ITPR2: variants seen among roughly 807,000 people sequenced by gnomAD.
ITPR2 encodes inositol 1,4,5-trisphosphate-gated calcium channel ITPR2.
ITPR2 carries 207 observed loss-of-function variants against 317.1 expected under a neutral mutation model. That is an observed-to-expected ratio of 0.65 (90% CI 0.58 to 0.73). The LOEUF is 0.73. Among genes scored for constraint, ITPR2 ranks in the 30% least tolerant of loss-of-function variants. ITPR2 has a pLI of 0.00. For missense variants in ITPR2, 2,613 were observed against 3,284.0 expected (o/e 0.80, Z 4.99); for synonymous variants, 1,156 against 1,149.1 (o/e 1.01, Z -0.12).
chr12:26,659,433 A>C, intron 15 of ITPR2, 148 bp from the exon 16 acceptor site: 1 of 665,070 alleles, frequency 1.5e-6, no homozygotes, highest in Non-Finnish European at 2.5e-6. Context: ...TTTTTCAATA[A>C]ATAGAGCTTT....
At chr12:26,523,227 TA>T (rs566286936) in intron 37 of ITPR2, among the ~76,000 whole-genome samples, 12 of 152,160 alleles carry the variant, frequency 7.9e-5, no homozygotes, top group Non-Finnish European at 1.0e-4. Context: ...TCTCTTTTCG[TA>T]AAAAGATAAC....
chr12:26,394,399 G>C (rs1243271479), intron 54 of ITPR2, among the ~76,000 whole-genome samples: 1 of 152,210 alleles, frequency 6.6e-6, no homozygotes, highest in African/African-American at 2.4e-5. Flanking sequence ...GATCGGAGAA[G>C]ACTTCTAGAA....
At chr12:26,724,551 A>T in intron 4 of ITPR2, 105 bp downstream of exon 4, 1 of 706,786 alleles carries the variant, frequency 1.4e-6, no homozygotes, top group Non-Finnish European at 2.6e-6. Flanking sequence ...CCCATCAAAG[A>T]ACAAACTTCC....
intron 2 of ITPR2, among the ~76,000 whole-genome samples, chr12:26,759,558 T>C (rs865895468): frequency 6.6e-6 from 1 of 152,202 alleles, no homozygotes; most frequent in Non-Finnish European, 1.5e-5. Context: ...TCTAGCCAAA[T>C]TAAATACAGA....
intron 34 of ITPR2, among the ~76,000 whole-genome samples, chr12:26,578,175 T>C (rs541213071): frequency 6.7e-5 from 9 of 133,866 alleles, no homozygotes; most frequent in African/African-American, 2.5e-4. Flanking sequence ...TTATTAACTT[T>C]CTCTCTCTCT....
In ITPR2 at chr12:26,595,438, C is replaced by A. The variant is rs180761993; in HGVS notation, c.4380+27G>T. ...TATTTAGTCGAAATATCTATTGACA[C>A]CCTTCAGTAGTCAAAATCTAACTTA... On this transcript the variant is annotated intron_variant, in intron 32 of 56. Transcript: ENST00000381340. 19 of 1,593,298 alleles carry A rather than the reference C, an allele frequency of 1.2e-5. 1 individual carries two copies. In the East Asian group the frequency reaches 3.6e-4, roughly 30 times the overall value.
In ITPR2 at chr12:26,340,348, T is replaced by A. The variant is rs1165011581; in HGVS notation, c.7858-20A>T. 1 of 1,579,826 alleles carries A rather than the reference T, an allele frequency of 6.3e-7. No homozygotes were observed. The highest frequency in any genetic ancestry group is 2.3e-5 in the East Asian group (1 of 43,770). On this transcript the variant is annotated intron_variant, in intron 55 of 56. Coordinates refer to ENST00000381340, the MANE Select transcript of ITPR2 (RefSeq NM_002223.4). ...CTTCTCCTGAAAGCAAATAAATGTG[T>A]GCGAACAAGGGAATAAGTATGGAAG...
In ITPR2 at chr12:26,427,898, A is replaced by C; in HGVS notation, c.6945+15T>G. 1 of 1,518,332 alleles carries C rather than the reference A, an allele frequency of 6.6e-7. No individual in the cohort carries two copies. Among genetic ancestry groups the C allele is most frequent in the African/African-American group, 1.4e-5 (1 of 71,314 alleles). 94.1% of individuals were successfully genotyped at this position (1,518,332 alleles called of 1,614,324 possible). A position where few individuals can be genotyped will look rare whatever the true frequency, so the allele number is the denominator to read the frequency against. On this transcript the variant is annotated intron_variant, in intron 49 of 56. Transcript: ENST00000381340. ...ACTAATTCTGTAACAGTACAAAGCT[A>C]AGTAAAGTACTTACATTAGCTGCAC...
chr12:26,826,352 A>T (rs1951009384), intron 1 of ITPR2, among the ~76,000 whole-genome samples: 1 of 152,242 alleles, frequency 6.6e-6, no homozygotes, highest in African/African-American at 2.4e-5. Context: ...AGGAAAAAAG[A>T]TCAGGAAGAG....
At chr12:26,733,029 T>A (rs2137065462) in intron 2 of ITPR2, among the ~76,000 whole-genome samples, 1 of 152,316 alleles carries the variant, frequency 6.6e-6, no homozygotes, top group Non-Finnish European at 1.5e-5. Flanking sequence ...CAAATACAGA[T>A]GGTAAGAAAA....
rs192380329 is a variant in ITPR2 at position 26,393,609 on chromosome 12, A to G, written c.7696+5267T>C. On this transcript the variant is annotated intron_variant, in intron 54 of 56. Transcript: ENST00000381340. The stretch of plus-strand genomic sequence containing the variant: ...TAAATATTCACGCTGAATTTGTTCT[A>G]TTTTACAATATTCTATTTGTTCTAA... 2.0e-3 allele frequency among the ~76,000 whole-genome samples: 299 copies of G among 152,336 alleles called. 4 individuals are homozygous for G. Among genetic ancestry groups the G allele is most frequent in the African/African-American group, 7.1e-3 (295 of 41,580 alleles).
chr12:26,482,794 C>T (rs751146582), intron 42 of ITPR2, among the ~76,000 whole-genome samples: 6 of 152,076 alleles, frequency 3.9e-5, no homozygotes, highest in Admixed American at 6.5e-5. Context: ...GCATAGACAC[C>T]GTGTGTATGT....
rs371723018 is a variant in ITPR2 at position 26,500,276 on chromosome 12, G to C, written c.5074-5016C>G. 2.6e-5 allele frequency among the ~76,000 whole-genome samples: 4 copies of C among 152,210 alleles called. No homozygotes were observed. In the East Asian group the frequency reaches 7.7e-4, roughly 29 times the overall value. ...CAGAATCATTGTCAGAAATTCTGGT[G>C]CCAGGGTTGCAAATAATTGTCTCAG... On this transcript the variant is annotated intron_variant, in intron 37 of 56. Coordinates refer to ENST00000381340, the MANE Select transcript of ITPR2 (RefSeq NM_002223.4).
chr12:26,589,970 T>C (rs973801418), intron 32 of ITPR2, among the ~76,000 whole-genome samples: 6 of 151,102 alleles, frequency 4.0e-5, no homozygotes, highest in Non-Finnish European at 8.8e-5. Context: ...CTGAATGTCA[T>C]ACCTTTCAAC....
chr12:26,817,715 T>C (rs1369401583), intron 1 of ITPR2, among the ~76,000 whole-genome samples: 1 of 152,254 alleles, frequency 6.6e-6, no homozygotes, highest in Non-Finnish European at 1.5e-5. Context: ...TTTTAGACCA[T>C]ATACAGTAGA....
chr12:26,510,413 A>T (rs1943310000), intron 37 of ITPR2, among the ~76,000 whole-genome samples: 1 of 152,220 alleles, frequency 6.6e-6, no homozygotes. Flanking sequence ...TAGCTTCCAT[A>T]AGAAAAGAAG....
chr12:26,692,639 T>C (rs546131674), intron 10 of ITPR2, among the ~76,000 whole-genome samples: 6 of 152,286 alleles, frequency 3.9e-5, no homozygotes, highest in Non-Finnish European at 7.4e-5. Context: ...ATTTGTAATA[T>C]TGGAAATAAT....
chr12:26,443,056 G>A (rs577585734), intron 46 of ITPR2, among the ~76,000 whole-genome samples: 1 of 152,200 alleles, frequency 6.6e-6, no homozygotes, highest in South Asian at 2.1e-4. Flanking sequence ...GGGTGGTGGA[G>A]GGGTCAAGTG....
intron 1 of ITPR2, among the ~76,000 whole-genome samples, chr12:26,797,622 A>T (rs1162207576): frequency 2.0e-5 from 3 of 151,982 alleles, no homozygotes; most frequent in Non-Finnish European, 4.4e-5. Context: ...ACATTACTAA[A>T]AGCTTTTACT....
Sources: gnomAD v4.1 joint callset for allele counts (sites outside exome capture counted in the v4.1 genomes callset) on GRCh38, gnomAD v4.1.1 for gene constraint, MANE v1.5 for transcripts, NCBI Gene and HGNC (gene_info 2026-07-23, HGNC 2026-07-21) for gene names.